DHCR24: variants seen among roughly 807,000 people sequenced by gnomAD.
DHCR24 encodes delta(24)-sterol reductase.
DHCR24 carries 28 observed loss-of-function variants against 61.2 expected under a neutral mutation model. The observed-to-expected ratio is 0.46, with a 90% CI of 0.34 to 0.63. The LOEUF is 0.63. Ranked by LOEUF, DHCR24 falls within the 20% of genes least tolerant of loss-of-function variation. The pLI is 0.01. For synonymous variants in DHCR24, 261 were observed against 275.9 expected, an observed-to-expected ratio of 0.95 and a Z score of 0.54; for missense variants, 538 against 679.1, an observed-to-expected ratio of 0.79 and a Z score of 2.31.
intron 1 of DHCR24, among the ~76,000 whole-genome samples, chr1:54,885,797 G>A (rs77720262): frequency 1.3e-5 from 2 of 152,138 alleles, no homozygotes; most frequent in Non-Finnish European, 2.9e-5. Flanking sequence ...GTCTGACAGG[G>A]GAGACAAGCA....
At chr1:54,861,840 G>A (rs1197263417) in intron 6 of DHCR24, among the ~76,000 whole-genome samples, 2 of 152,052 alleles carry the variant, frequency 1.3e-5, no homozygotes, top group Non-Finnish European at 2.9e-5. Context: ...CTCTCCGAGG[G>A]ACAGCTTCAC....
chr1:54,875,693 G>A (rs1647025027), intron 3 of DHCR24, among the ~76,000 whole-genome samples: 1 of 152,152 alleles, frequency 6.6e-6, no homozygotes, highest in Non-Finnish European at 1.5e-5. Context: ...TTGGAGCAAT[G>A]GGAACAAGTC....
intron 2 of DHCR24, among the ~76,000 whole-genome samples, chr1:54,879,322 G>GGAA (rs1647052099): frequency 9.2e-6 from 1 of 108,536 alleles, no homozygotes; most frequent in African/African-American, 3.9e-5. Flanking sequence ...GACTCCATCT[G>GGAA]AAAAAAAAAA....
At chr1:54,853,709 A>G in intron 7 of DHCR24, 97 bp from the exon 8 acceptor site, 1 of 1,370,410 alleles carries the variant, frequency 7.3e-7, no homozygotes, top group Admixed American at 2.0e-5. Flanking sequence ...AAGGCTTTGC[A>G]GCATTCTCAA....
intron 2 of DHCR24, among the ~76,000 whole-genome samples, chr1:54,879,322 G>GGGAAAAAAAAAAAAAA: frequency 9.2e-6 from 1 of 108,536 alleles, no homozygotes; most frequent in South Asian, 2.8e-4. Flanking sequence ...GACTCCATCT[G>GGGAAAAAAAAAAAAAA]AAAAAAAAAA....
chr1:54,865,567 ATT>A, intron 5 of DHCR24, 121 bp from the exon 6 acceptor site: 1 of 1,333,320 alleles, frequency 7.5e-7, no homozygotes, highest in East Asian at 2.3e-5. Flanking sequence ...TTTCATGTCT[ATT>A]ACTGCCTTTG....
At chr1:54,871,642 C>A (rs2303534) in intron 4 of DHCR24, 29 bp from the exon 5 acceptor site, 1 of 1,614,072 alleles carries the variant, frequency 6.2e-7, no homozygotes. Context: ...GTGTTGTGAG[C>A]TGAAACCTTG....
rs574200053 is a variant in DHCR24 at position 54,876,418 on chromosome 1, C to T, written c.388-371G>A. Among the ~76,000 whole-genome samples, 51 of 152,282 alleles carry T rather than the reference C, an allele frequency of 3.3e-4. 1 individual carries two copies. Among genetic ancestry groups the T allele is most frequent in the African/African-American group, 6.7e-4 (28 of 41,552 alleles). ...TCTGTAATCCCAGCACTTTGGGAGG[C>T]CAAGGCAGGTGAATCATCTGAGTTC... On this transcript the variant is annotated intron_variant, in intron 2 of 8. Transcript: ENST00000371269.
At chr1:54,880,256 A>T (rs2101576371) in intron 2 of DHCR24, among the ~76,000 whole-genome samples, 1 of 152,354 alleles carries the variant, frequency 6.6e-6, no homozygotes, top group Middle Eastern at 3.4e-3. Context: ...TACCTTTGAG[A>T]CACAAACTAC....
In DHCR24 at chr1:54,882,453, T is replaced by C. The variant is rs117523783; in HGVS notation, c.387+1165A>G. ...TTTGGCACTTCCTTAAAAAGTTAAA[T>C]GTACACCCACCTTATGATCTAGCCA... On this transcript the variant is annotated intron_variant, in intron 2 of 8. Transcript: ENST00000371269. Among the ~76,000 whole-genome samples, 327 of 152,342 alleles carry C rather than the reference T, an allele frequency of 2.1e-3. 8 individuals are homozygous for C. The East Asian group carries it at 0.04, about 19-fold the overall frequency.
rs1381880867 is a variant in DHCR24 at position 54,851,864 on chromosome 1, T to A, written c.*369A>T. 3.5e-6 allele frequency: 1 copy of A among 285,996 alleles called. No homozygotes were observed. The highest frequency in any genetic ancestry group is 2.2e-5 in the African/African-American group (1 of 46,058). The allele number at this position is 285,996 out of a possible 1,614,324, so 17.7% of individuals were successfully genotyped here. On this transcript the variant is annotated 3_prime_UTR_variant, in exon 9 of 9. Coordinates refer to ENST00000371269, the MANE Select transcript of DHCR24 (RefSeq NM_014762.4). ...ACGGGAAGCAACAAGAGCTACCACT[T>A]ACCCAGCACCTTCAATGTGACCAGT... is the stretch of plus-strand genomic sequence containing the variant.
intron 6 of DHCR24, among the ~76,000 whole-genome samples, chr1:54,861,763 T>C (rs938961947): frequency 1.3e-5 from 2 of 152,202 alleles, no homozygotes; most frequent in African/African-American, 4.8e-5. Context: ...TTCATGAGTG[T>C]GAATCCCTGG....
chr1:54,861,477 C>T (rs1042337685), intron 6 of DHCR24, among the ~76,000 whole-genome samples: 1 of 152,188 alleles, frequency 6.6e-6, no homozygotes, highest in African/African-American at 2.4e-5. Context: ...CTTACGCCCT[C>T]TAGTCCCCTG....
At chr1:54,860,454 T>TG (rs1349958553) in intron 6 of DHCR24, among the ~76,000 whole-genome samples, 2 of 152,174 alleles carry the variant, frequency 1.3e-5, no homozygotes, top group Non-Finnish European at 2.9e-5. Flanking sequence ...ACAACCCTCC[T>TG]GCCACTGGGA....
At chr1:54,866,712 A>G (rs1026606216) in intron 5 of DHCR24, among the ~76,000 whole-genome samples, 1 of 152,154 alleles carries the variant, frequency 6.6e-6, no homozygotes, top group Non-Finnish European at 1.5e-5. Flanking sequence ...TCTGGCCTCC[A>G]GCACTTGCAG....
intron 6 of DHCR24, among the ~76,000 whole-genome samples, chr1:54,861,689 T>C (rs567550770): frequency 6.6e-6 from 1 of 152,308 alleles, no homozygotes; most frequent in African/African-American, 2.4e-5. Context: ...CTGCCTACTC[T>C]GTACCCCAGC....
intron 4 of DHCR24, among the ~76,000 whole-genome samples, chr1:54,873,642 C>G (rs114530432): frequency 7.9e-5 from 12 of 152,122 alleles, no homozygotes; most frequent in African/African-American, 2.7e-4. Flanking sequence ...AACTAACATG[C>G]GTTTATGTCT....
At chr1:54,886,703 C>T (rs1275579913) in intron 1 of DHCR24, 186 bp downstream of exon 1, 21 of 1,465,668 alleles carry the variant, frequency 1.4e-5, no homozygotes, top group Non-Finnish European at 1.8e-5. Context: ...GGCACTTTGC[C>T]TGTTCTGTTC....
chr1:54,874,532 G>C (rs1227179821), intron 4 of DHCR24, among the ~76,000 whole-genome samples: 3 of 152,138 alleles, frequency 2.0e-5, no homozygotes, highest in Non-Finnish European at 4.4e-5. Context: ...TCTCATCTAG[G>C]TTTATGTAAT....
Sources: gnomAD v4.1 joint callset for allele counts (sites outside exome capture counted in the v4.1 genomes callset) on GRCh38, gnomAD v4.1.1 for gene constraint, MANE v1.5 for transcripts, NCBI Gene and HGNC (gene_info 2026-07-23, HGNC 2026-07-21) for gene names.